GPD2: variants seen among roughly 807,000 people sequenced by gnomAD.
The protein encoded by GPD2 is glycerol-3-phosphate dehydrogenase 2, also known as glycerol-3-phosphate dehydrogenase, mitochondrial.
GPD2 carries 54 observed loss-of-function variants against 82.4 expected under a neutral mutation model. That is an observed-to-expected ratio of 0.66 (90% CI 0.53 to 0.82). The LOEUF is 0.82. GPD2 is among the 40% of genes least tolerant of loss of function. GPD2 has a pLI of 0.00. For synonymous variants in GPD2, 288 were observed against 306.1 expected (o/e 0.94, Z 0.62); for missense variants, 748 against 896.2 (o/e 0.83, Z 2.11).
chr2:156,488,915 A>G (rs948747228), intron 2 of GPD2, among the ~76,000 whole-genome samples: 9 of 152,234 alleles, frequency 5.9e-5, no homozygotes, highest in Admixed American at 2.0e-4. Context: ...GTATTATTAC[A>G]TATTAGATAT....
intron 1 of GPD2, among the ~76,000 whole-genome samples, chr2:156,460,422 A>G (rs1558909477): frequency 6.6e-6 from 1 of 152,252 alleles, no homozygotes; most frequent in Non-Finnish European, 1.5e-5. Context: ...TAGGCCAGGC[A>G]TCCTCAAGAT....
intron 8 of GPD2, among the ~76,000 whole-genome samples, chr2:156,555,536 A>G (rs532983265): frequency 2.0e-5 from 3 of 152,254 alleles, no homozygotes; most frequent in South Asian, 2.1e-4. Context: ...TTTTGTTTCA[A>G]TATACTTCTG....
At position 156,585,752 on chromosome 2, in the gene GPD2, G is replaced by C. The variant is rs755031894; in HGVS notation, c.*2834G>C. 4 of 152,352 alleles carry C rather than the reference G, an allele frequency of 2.6e-5. No individual in the cohort carries two copies. The highest frequency in any genetic ancestry group is 6.6e-5 in the Admixed American group (1 of 15,202). 9.4% of individuals were successfully genotyped at this position (152,352 alleles called of 1,614,324 possible). A position where few individuals can be genotyped will look rare whatever the true frequency, so the allele number is the denominator to read the frequency against. On this transcript the variant is annotated 3_prime_UTR_variant, in exon 17 of 17. Coordinates refer to ENST00000438166, the MANE Select transcript of GPD2 (RefSeq NM_000408.5). ...TATTTTTCTCTTATGTATCTGTAAA[G>C]ATTTTTGGCATATGAATGTAATATT...
At chr2:156,476,672 G>A in intron 2 of GPD2, among the ~76,000 whole-genome samples, 1 of 152,152 alleles carries the variant, frequency 6.6e-6, no homozygotes, top group East Asian at 1.9e-4. Flanking sequence ...TTTGTGTTAG[G>A]TAAAAATTTA....
chr2:156,477,858 A>G (rs1280048578), intron 2 of GPD2, among the ~76,000 whole-genome samples: 3 of 152,176 alleles, frequency 2.0e-5, no homozygotes, highest in East Asian at 3.9e-4. Flanking sequence ...TGCTGAGGCT[A>G]TTTCAGAAGT....
rs375972676 is a variant in GPD2, at chr2:156,446,158, C to T, written c.-9+9645C>T. On this transcript the variant is annotated intron_variant, in intron 1 of 16. Coordinates refer to ENST00000438166, the MANE Select transcript of GPD2 (RefSeq NM_000408.5). ...GTTGCCCAGGTTGAGTGCAGTGGGACGATCTCAGCTCACTGCAACCTCTGC... is the reference window on the plus strand; with the variant it reads ...GTTGCCCAGGTTGAGTGCAGTGGGATGATCTCAGCTCACTGCAACCTCTGC... 1.1e-4 allele frequency among the ~76,000 whole-genome samples: 17 copies of T among 152,256 alleles called. 1 individual carries two copies. The South Asian group carries it at 2.1e-3, about 19-fold the overall frequency.
intron 1 of GPD2, among the ~76,000 whole-genome samples, chr2:156,453,396 T>G (rs959309296): frequency 6.6e-6 from 1 of 152,144 alleles, no homozygotes; most frequent in Non-Finnish European, 1.5e-5. Context: ...GATGGTGGAA[T>G]GGAAATTCCA....
intron 6 of GPD2, among the ~76,000 whole-genome samples, chr2:156,541,783 C>G (rs1258981814): frequency 6.9e-6 from 1 of 144,158 alleles, no homozygotes; most frequent in Admixed American, 7.0e-5. Flanking sequence ...TCACATTGCT[C>G]CCTTTTCCTT....
intron 6 of GPD2, among the ~76,000 whole-genome samples, chr2:156,523,655 A>T (rs550573424): frequency 6.0e-5 from 9 of 150,358 alleles, no homozygotes; most frequent in South Asian, 4.2e-4. Flanking sequence ...AAATTGTTCA[A>T]CAATAATTTC....
chr2:156,580,046 A>G (rs1477834653), intron 16 of GPD2, among the ~76,000 whole-genome samples: 1 of 152,232 alleles, frequency 6.6e-6, no homozygotes, highest in Non-Finnish European at 1.5e-5. Flanking sequence ...CAAGTTATTT[A>G]TCATAAAGGG....
intron 3 of GPD2, among the ~76,000 whole-genome samples, chr2:156,509,499 T>C (rs1473075965): frequency 6.6e-6 from 1 of 152,078 alleles, no homozygotes; most frequent in Non-Finnish European, 1.5e-5. Flanking sequence ...CCTCCAAGAG[T>C]GTTCCAGGCC....
intron 2 of GPD2, among the ~76,000 whole-genome samples, chr2:156,484,461 A>G (rs1396293775): frequency 2.0e-5 from 3 of 152,200 alleles, no homozygotes; most frequent in African/African-American, 7.2e-5. Context: ...ACCTTAGGAA[A>G]TGCTATAAAA....
intron 1 of GPD2, among the ~76,000 whole-genome samples, chr2:156,461,929 C>T (rs142590343): frequency 1.7e-4 from 26 of 152,262 alleles, no homozygotes; most frequent in African/African-American, 3.6e-4. Context: ...AGGTCCTTCA[C>T]GGATACTTTC....
intron 9 of GPD2, among the ~76,000 whole-genome samples, chr2:156,564,241 C>T (rs1008062938): frequency 2.6e-5 from 4 of 152,104 alleles, no homozygotes; most frequent in Non-Finnish European, 4.4e-5. Context: ...CTTCACTCTG[C>T]CATCCTCCAA....
chr2:156,535,689 G>A (rs939945490), intron 6 of GPD2, among the ~76,000 whole-genome samples: 2 of 152,102 alleles, frequency 1.3e-5, no homozygotes, highest in Non-Finnish European at 2.9e-5. Flanking sequence ...TGAATGTCAA[G>A]TGTTCCCAAA....
chr2:156,438,264 A>G (rs1682020961), intron 1 of GPD2, among the ~76,000 whole-genome samples: 1 of 152,180 alleles, frequency 6.6e-6, no homozygotes, highest in Non-Finnish European at 1.5e-5. Context: ...ACTCAGCCTC[A>G]ATTGTCTCAT....
At chr2:156,528,846 C>A (rs1045267395) in intron 6 of GPD2, among the ~76,000 whole-genome samples, 3 of 152,104 alleles carry the variant, frequency 2.0e-5, no homozygotes, top group African/African-American at 4.8e-5. Flanking sequence ...CATTGTTGGA[C>A]ATTTGGGTTG....
At chr2:156,416,956 A>G in the GPD2 span, among the ~76,000 whole-genome samples, 3 of 152,170 alleles carry the variant, frequency 2.0e-5, no homozygotes, top group Non-Finnish European at 4.4e-5. Context: ...ATAGCACTCA[A>G]GAATCATTTA....
chr2:156,418,859 G>C, the GPD2 span, among the ~76,000 whole-genome samples: 1 of 151,848 alleles, frequency 6.6e-6, no homozygotes, highest in East Asian at 1.9e-4. Flanking sequence ...TTCAGGTGTG[G>C]GTTCATTCTT....
Sources: allele counts gnomAD v4.1 joint callset (sites outside exome capture counted in the v4.1 genomes callset), GRCh38; gene constraint gnomAD v4.1.1; transcripts MANE v1.5; gene names NCBI Gene and HGNC (gene_info 2026-07-23, HGNC 2026-07-21).